The following DOK6 variants were observed in gnomAD, a reference collection of about 807,000 sequenced individuals.
The protein encoded by DOK6 is docking protein 6.
In DOK6, 22 loss-of-function variants were observed where a neutral mutation model predicts 44.0. That is an observed-to-expected ratio of 0.50 (90% CI 0.36 to 0.71). The LOEUF (loss-of-function observed/expected upper bound fraction) is 0.71. DOK6 is among the 30% of genes least tolerant of loss of function. The pLI is 0.00. For synonymous variants in DOK6, 166 were observed against 145.5 expected, an observed-to-expected ratio of 1.14 and a Z score of -1.01; for missense variants, 340 against 416.4, an observed-to-expected ratio of 0.82 and a Z score of 1.60.
intron 4 of DOK6, among the ~76,000 whole-genome samples, chr18:69,685,337 A>G (rs1009990046): frequency 6.6e-6 from 1 of 152,154 alleles, no homozygotes; most frequent in Non-Finnish European, 1.5e-5. Flanking sequence ...GTTCTATTCT[A>G]GTTTTTACAT....
Position 69,564,513 on chromosome 18 carries a change from C to T in DOK6, c.93C>T (p.Phe31=). 6.2e-7 allele frequency: 1 copy of T among 1,613,760 alleles called. No individual in the cohort carries two copies. The highest frequency in any genetic ancestry group is 8.5e-7 in the Non-Finnish European group (1 of 1,179,862). ...TTTTCAGACGATGCTGGTTGGTTTT[C>T]AAGAAGGCTTCTAGCAAAGGACCCA... is the stretch of plus-strand genomic sequence containing the variant. The part of the protein sequence containing the change: ...LGIFRRCWLV[F]KKASSKGPRR... Residue 31 remains phenylalanine (F), a synonymous_variant, in exon 2 of 8, where the codon TTC becomes TTT. Transcript: ENST00000382713.
intron 5 of DOK6, chr18:69,724,778 TC>T (rs1052628907): frequency 2.0e-5 from 3 of 152,102 alleles, no homozygotes; most frequent in African/African-American, 7.2e-5. Flanking sequence ...GTGTGTGGAG[TC>T]CAGAGAGGAT....
chr18:69,831,924 T>C (rs1981912628), intron 7 of DOK6, among the ~76,000 whole-genome samples: 1 of 152,248 alleles, frequency 6.6e-6, no homozygotes, highest in Non-Finnish European at 1.5e-5. Context: ...GTACCACCTC[T>C]AAGAGTTTTT....
At chr18:69,607,893 G>C (rs929521625) in intron 3 of DOK6, among the ~76,000 whole-genome samples, 3 of 152,084 alleles carry the variant, frequency 2.0e-5, no homozygotes, top group Admixed American at 2.0e-4. Flanking sequence ...GGAAATGCAG[G>C]TAACAGATAA....
chr18:69,832,726 T>C (rs1193252906), intron 7 of DOK6: 5 of 151,930 alleles, frequency 3.3e-5, no homozygotes, highest in African/African-American at 1.2e-4. Flanking sequence ...TTCTATACAC[T>C]AACAGCGAAC....
At chr18:69,475,105 A>G (rs75587700) in intron 1 of DOK6, among the ~76,000 whole-genome samples, 2,913 of 152,294 alleles carry the variant, frequency 0.019, 90 homozygotes, top group African/African-American at 0.066. Flanking sequence ...TGAAGGGATG[A>G]TGTAGCTAAT....
chr18:69,684,390 TG>T (rs547609481), intron 4 of DOK6, among the ~76,000 whole-genome samples: 8 of 152,318 alleles, frequency 5.3e-5, no homozygotes, highest in African/African-American at 1.9e-4. Context: ...GAGATGTATA[TG>T]TGAAGAAATA....
intron 1 of DOK6, among the ~76,000 whole-genome samples, chr18:69,446,191 T>A (rs933938651): frequency 6.7e-6 from 1 of 148,170 alleles, no homozygotes; most frequent in African/African-American, 2.5e-5. Flanking sequence ...TATCTCCTAA[T>A]GCTATCCCTC....
At chr18:69,735,409 G>T (rs576344496) in intron 5 of DOK6, among the ~76,000 whole-genome samples, 25 of 152,344 alleles carry the variant, frequency 1.6e-4, no homozygotes, top group African/African-American at 5.3e-4. Flanking sequence ...CTCACAGTTT[G>T]TATCACCACA....
At position 69,698,314 on chromosome 18, in the gene DOK6, C is replaced by T. The variant is rs922192290; in HGVS notation, c.410-90C>T. The T allele has an allele frequency of 1.8e-5, 21 of 1,175,952 alleles. 1 individual carries two copies. The highest frequency in any genetic ancestry group is 6.2e-5 in the African/African-American group (4 of 64,534). 72.8% of individuals were successfully genotyped at this position (1,175,952 alleles called of 1,614,324 possible). On this transcript the variant is annotated intron_variant, in intron 4 of 7. Coordinates refer to ENST00000382713, the MANE Select transcript of DOK6 (RefSeq NM_152721.6). ...AGGGAGGATGTGGTCATGTTTCCTG[C>T]AGTCTGTAGATAAACAAATTAATAT... is the stretch of plus-strand genomic sequence containing the variant.
intron 7 of DOK6, among the ~76,000 whole-genome samples, chr18:69,766,997 C>A (rs1442326401): frequency 6.6e-6 from 1 of 152,108 alleles, no homozygotes; most frequent in Non-Finnish European, 1.5e-5. Context: ...GAGGCTGAGG[C>A]AGGCAGATCA....
intron 7 of DOK6, among the ~76,000 whole-genome samples, chr18:69,771,938 A>G (rs2144766453): frequency 6.6e-6 from 1 of 152,032 alleles, no homozygotes; most frequent in East Asian, 1.9e-4. Context: ...ACTTAGGAAT[A>G]AATTTAAGGA....
intron 1 of DOK6, among the ~76,000 whole-genome samples, chr18:69,452,245 CACAGAAAT>C (rs1979490677): frequency 6.7e-6 from 1 of 148,976 alleles, no homozygotes; most frequent in East Asian, 2.0e-4. Flanking sequence ...CCACCGATCC[CACAGAAAT>C]ACAAACTACC....
chr18:69,835,960 T>C (rs1485831753), intron 7 of DOK6, among the ~76,000 whole-genome samples: 1 of 152,212 alleles, frequency 6.6e-6, no homozygotes, highest in Non-Finnish European at 1.5e-5. Flanking sequence ...TCCTTCATAG[T>C]ATATATCAAG....
chr18:69,666,200 A>T (rs973747852), intron 3 of DOK6, among the ~76,000 whole-genome samples: 1 of 152,144 alleles, frequency 6.6e-6, no homozygotes, highest in Non-Finnish European at 1.5e-5. Context: ...CAACTAACAT[A>T]TGCTGATAAG....
chr18:69,610,428 A>C (rs1003566438), intron 3 of DOK6, among the ~76,000 whole-genome samples: 5 of 152,226 alleles, frequency 3.3e-5, no homozygotes, highest in East Asian at 1.9e-4. Flanking sequence ...ATTATGTATA[A>C]CGGCAAAAAA....
At chr18:69,537,568 T>G (rs1371543999) in intron 1 of DOK6, among the ~76,000 whole-genome samples, 3 of 152,230 alleles carry the variant, frequency 2.0e-5, no homozygotes, top group Admixed American at 6.5e-5. Context: ...ATCTATACAC[T>G]CAACTAATTA....
At chr18:69,838,612 G>A (rs1982117886) in intron 7 of DOK6, among the ~76,000 whole-genome samples, 1 of 152,074 alleles carries the variant, frequency 6.6e-6, no homozygotes, top group Admixed American at 6.5e-5. Context: ...ATACCATCCA[G>A]AATTTTTAGA....
At chr18:69,506,623 C>T (rs746460804) in intron 1 of DOK6, among the ~76,000 whole-genome samples, 3 of 151,970 alleles carry the variant, frequency 2.0e-5, no homozygotes, top group Non-Finnish European at 2.9e-5. Context: ...TTAAATAGAC[C>T]TATCACAGTT....
Sources: gnomAD v4.1 joint callset for allele counts (sites outside exome capture counted in the v4.1 genomes callset) on GRCh38, gnomAD v4.1.1 for gene constraint, MANE v1.5 for transcripts, NCBI Gene and HGNC (gene_info 2026-07-23, HGNC 2026-07-21) for gene names.